The following ASTN2 variants were observed in gnomAD, a reference collection of about 807,000 sequenced individuals.
ASTN2 encodes the protein astrotactin-2.
A neutral mutation model predicts 139.8 loss-of-function variants in ASTN2; 54 were observed. That is an observed-to-expected ratio of 0.39 (90% CI 0.31 to 0.48). ASTN2 has a LOEUF of 0.48. Among genes scored for constraint, ASTN2 ranks in the 20% least tolerant of loss-of-function variants. ASTN2 has a pLI of 0.95. For missense variants in ASTN2, 1,565 were observed against 1,725.1 expected, an observed-to-expected ratio of 0.91 and a Z score of 1.64; for synonymous variants, 756 against 719.5, an observed-to-expected ratio of 1.05 and a Z score of -0.81.
At chr9:117,164,393 C>T (rs1830622105) in intron 3 of ASTN2, among the ~76,000 whole-genome samples, 1 of 152,096 alleles carries the variant, frequency 6.6e-6, no homozygotes, top group Non-Finnish European at 1.5e-5. Context: ...CCTGGTGAGA[C>T]TGTCATTGGG....
At chr9:117,267,608 T>TA (rs1449382919) in intron 2 of ASTN2, among the ~76,000 whole-genome samples, 1 of 152,124 alleles carries the variant, frequency 6.6e-6, no homozygotes, top group Non-Finnish European at 1.5e-5. Context: ...TATTTCCAAG[T>TA]AAAAAATCTT....
chr9:117,257,845 G>A (rs1193953718), intron 2 of ASTN2, among the ~76,000 whole-genome samples: 1 of 152,222 alleles, frequency 6.6e-6, no homozygotes, highest in East Asian at 1.9e-4. Context: ...ATTTGTTGTA[G>A]TCATTGCTCT....
At chr9:116,673,621 T>C (rs971961181) in intron 16 of ASTN2, among the ~76,000 whole-genome samples, 1 of 152,132 alleles carries the variant, frequency 6.6e-6, no homozygotes, top group Non-Finnish European at 1.5e-5. Context: ...CGTAGACATA[T>C]ACACAGAGGA....
At chr9:117,325,953 T>C (rs950977681) in intron 1 of ASTN2, among the ~76,000 whole-genome samples, 2 of 152,080 alleles carry the variant, frequency 1.3e-5, no homozygotes, top group South Asian at 2.1e-4. Context: ...TGATGACAAA[T>C]GACAACTGAC....
intron 6 of ASTN2, among the ~76,000 whole-genome samples, chr9:117,029,767 A>T (rs116324073): frequency 0.017 from 2,629 of 152,056 alleles, 91 homozygotes; most frequent in African/African-American, 0.061. Context: ...ATGCATTTTA[A>T]CTATCTATCT....
intron 19 of ASTN2, among the ~76,000 whole-genome samples, chr9:116,591,323 C>T (rs1162804901): frequency 2.0e-5 from 3 of 152,154 alleles, no homozygotes; most frequent in South Asian, 2.1e-4. Context: ...GCACCCATGC[C>T]GGAACCTGAA....
intron 17 of ASTN2, among the ~76,000 whole-genome samples, chr9:116,623,946 G>T (rs1051457128): frequency 3.9e-4 from 60 of 152,174 alleles, no homozygotes; most frequent in Admixed American, 3.9e-3. Flanking sequence ...CTGTGTGTTT[G>T]AGAGAAAATG....
intron 1 of ASTN2, among the ~76,000 whole-genome samples, chr9:117,293,367 T>C (rs1323918214): frequency 6.6e-6 from 1 of 152,144 alleles, no homozygotes; most frequent in Non-Finnish European, 1.5e-5. Flanking sequence ...TCATCTCACA[T>C]CACTAAGCCC....
intron 16 of ASTN2, among the ~76,000 whole-genome samples, chr9:116,675,823 C>A (rs1859466382): frequency 6.6e-6 from 1 of 152,156 alleles, no homozygotes; most frequent in African/African-American, 2.4e-5. Flanking sequence ...TGCCCAGAGA[C>A]CCCATTGTGA....
intron 10 of ASTN2, among the ~76,000 whole-genome samples, chr9:116,954,875 C>T (rs527349733): frequency 6.6e-6 from 1 of 152,178 alleles, no homozygotes; most frequent in Non-Finnish European, 1.5e-5. Context: ...AATCTGTAGG[C>T]CCCAACCCAG....
chr9:117,378,978 T>C (rs1009366486), intron 1 of ASTN2, among the ~76,000 whole-genome samples: 3 of 152,114 alleles, frequency 2.0e-5, no homozygotes, highest in African/African-American at 7.2e-5. Flanking sequence ...CCTCCTCCTT[T>C]GCTCTCTCTT....
rs964284409 is a variant in ASTN2 at position 117,071,244 on chromosome 9, C to A, written c.1276+24800G>T. ...TCCTTCTAATAGACAGGACCCTCAG[C>A]TGCAGGTCTGTTGGAATACCCTGCC... On this transcript the variant is annotated intron_variant, in intron 5 of 22. Coordinates refer to ENST00000313400, the MANE Select transcript of ASTN2 (RefSeq NM_001365068.1). Among the ~76,000 whole-genome samples the A allele has an allele frequency of 7.6e-3, 1,146 of 151,630 alleles. 23 individuals are homozygous for A. Among genetic ancestry groups the A allele is most frequent in the African/African-American group, 0.026 (1,068 of 41,402 alleles).
rs527767562 is a variant in ASTN2 at position 117,208,665 on chromosome 9, A to T, written c.1015+5693T>A. On this transcript the variant is annotated intron_variant, in intron 3 of 22. Transcript: ENST00000313400. The stretch of plus-strand genomic sequence containing the variant: ...AACCAGATAGGTTAAACCCAAACAG[A>T]TCTTCTTCAAGGCATCTTACAGTCA... 7.9e-5 allele frequency among the ~76,000 whole-genome samples: 12 copies of T among 152,316 alleles called. No individual in the cohort carries two copies. In the East Asian group the frequency reaches 2.3e-3, roughly 29 times the overall value.
At chr9:116,849,108 T>C (rs921380011) in intron 11 of ASTN2, among the ~76,000 whole-genome samples, 6 of 152,178 alleles carry the variant, frequency 3.9e-5, no homozygotes, top group Admixed American at 2.6e-4. Flanking sequence ...GGGCAAATAA[T>C]GTGGGAAGAG....
At chr9:116,508,565 C>T (rs765387414) in intron 19 of ASTN2, among the ~76,000 whole-genome samples, 4 of 152,086 alleles carry the variant, frequency 2.6e-5, no homozygotes, top group Non-Finnish European at 2.9e-5. Flanking sequence ...CCCTTGCCCA[C>T]GTGGTGCCTT....
chr9:116,821,252 T>C (rs1328390892), intron 11 of ASTN2, among the ~76,000 whole-genome samples: 2 of 152,204 alleles, frequency 1.3e-5, no homozygotes, highest in East Asian at 1.9e-4. Context: ...CTCTTCTCAC[T>C]GTGTGACCCG....
intron 11 of ASTN2, among the ~76,000 whole-genome samples, chr9:116,831,269 AG>A (rs35892431): frequency 0.19 from 28,237 of 152,088 alleles, 2,898 homozygotes; most frequent in East Asian, 0.47. Flanking sequence ...TTCACTATTC[AG>A]GTGATGGGTA....
intron 10 of ASTN2, among the ~76,000 whole-genome samples, chr9:116,923,551 T>C (rs1834671998): frequency 6.6e-6 from 1 of 152,176 alleles, no homozygotes; most frequent in African/African-American, 2.4e-5. Context: ...CAAAACTATT[T>C]TGTGATATGA....
intron 5 of ASTN2, among the ~76,000 whole-genome samples, chr9:117,059,003 AGAAATCAGT>A (rs1839155384): frequency 1.3e-5 from 2 of 152,338 alleles, no homozygotes; most frequent in South Asian, 4.1e-4. Flanking sequence ...GAAAGAGCAG[AGAAATCAGT>A]GAAGGTGGCA....
Sources: allele counts gnomAD v4.1 joint callset (sites outside exome capture counted in the v4.1 genomes callset), GRCh38; gene constraint gnomAD v4.1.1; transcripts MANE v1.5; gene names NCBI Gene and HGNC (gene_info 2026-07-23, HGNC 2026-07-21).